WDHD1: variants seen among roughly 807,000 people sequenced by gnomAD.
WDHD1 encodes the protein WD repeat and HMG-box DNA-binding protein 1.
In WDHD1, 111 loss-of-function variants were observed where a neutral mutation model predicts 135.4. That is an observed-to-expected ratio of 0.82 (90% CI 0.70 to 0.96). WDHD1 has a LOEUF of 0.96. Among genes scored for constraint, WDHD1 ranks in the 40% least tolerant of loss-of-function variants. WDHD1 has a pLI of 0.00. For synonymous variants in WDHD1, 434 were observed against 439.0 expected (o/e 0.99, Z 0.14); for missense variants, 1,351 against 1,336.3 (o/e 1.01, Z -0.17).
intron 25 of WDHD1, 118 bp from the exon 26 acceptor site, chr14:54,941,808 T>A (rs78420354): frequency 2.4e-6 from 2 of 842,736 alleles, no homozygotes; most frequent in African/African-American, 3.4e-5. Context: ...TAATTAGCAC[T>A]TGAATTAAGT....
At chr14:54,944,992 G>C (rs1446582868) in intron 24 of WDHD1, among the ~76,000 whole-genome samples, 1 of 152,166 alleles carries the variant, frequency 6.6e-6, no homozygotes, top group Admixed American at 6.5e-5. Context: ...GATCACTCAC[G>C]TTTGTATTTT....
chr14:55,023,371 A>G (rs80066034), intron 2 of WDHD1, among the ~76,000 whole-genome samples: 1,906 of 152,362 alleles, frequency 0.013, 34 homozygotes, highest in Middle Eastern at 0.054. Flanking sequence ...CTGCTGGCAT[A>G]GCTGCAGTAA....
chr14:54,987,990 A>C (rs1050851005), intron 13 of WDHD1, among the ~76,000 whole-genome samples: 2 of 152,220 alleles, frequency 1.3e-5, no homozygotes, highest in Admixed American at 1.3e-4. Context: ...TCAGTACTAT[A>C]ATCAGCTGAA....
chr14:55,001,588 C>A (rs547900890), intron 8 of WDHD1, among the ~76,000 whole-genome samples: 164 of 152,198 alleles, frequency 1.1e-3, no homozygotes, highest in African/African-American at 3.8e-3. Context: ...AAAGCAAAAC[C>A]TAAAAAATGT....
intron 2 of WDHD1, among the ~76,000 whole-genome samples, chr14:55,018,813 T>C (rs2042299337): frequency 6.6e-6 from 1 of 152,078 alleles, no homozygotes; most frequent in Admixed American, 6.6e-5. Flanking sequence ...CCCAGCACTT[T>C]GGGAGGCGAG....
intron 16 of WDHD1, among the ~76,000 whole-genome samples, chr14:54,979,647 C>T (rs1433239375): frequency 4.6e-5 from 7 of 152,176 alleles, no homozygotes; most frequent in African/African-American, 1.4e-4. Context: ...TATTGAATTG[C>T]TGCTTTGTTT....
intron 7 of WDHD1, among the ~76,000 whole-genome samples, chr14:55,002,438 A>T (rs1404522538): frequency 6.6e-6 from 1 of 152,070 alleles, no homozygotes; most frequent in East Asian, 1.9e-4. Flanking sequence ...GCCAGGCGCA[A>T]ATCTGTATTT....
At chr14:54,985,417 G>A (rs964148411) in intron 14 of WDHD1, among the ~76,000 whole-genome samples, 1 of 152,134 alleles carries the variant, frequency 6.6e-6, no homozygotes, top group Non-Finnish European at 1.5e-5. Flanking sequence ...TCCTAAGGTA[G>A]GAAGAATGGA....
chr14:54,987,421 T>C (rs1451939619), intron 13 of WDHD1, 34 bp from the exon 14 acceptor site: 1 of 1,576,482 alleles, frequency 6.3e-7, no homozygotes, highest in South Asian at 1.1e-5. Context: ...ACAATCAAAC[T>C]TTCATATGAT....
intron 11 of WDHD1, among the ~76,000 whole-genome samples, chr14:54,994,594 C>G (rs996857465): frequency 2.6e-5 from 4 of 151,960 alleles, no homozygotes; most frequent in African/African-American, 9.7e-5. Context: ...AACCCCATCT[C>G]TACTAAAAAT....
intron 16 of WDHD1, among the ~76,000 whole-genome samples, chr14:54,970,294 TAA>T (rs1305926889): frequency 6.6e-6 from 1 of 152,158 alleles, no homozygotes; most frequent in Non-Finnish European, 1.5e-5. Flanking sequence ...GGCTCCTAGA[TAA>T]AAGACTTTGG....
intron 9 of WDHD1, 117 bp from the exon 10 acceptor site, chr14:55,000,761 A>T: frequency 1.9e-6 from 2 of 1,046,264 alleles, no homozygotes; most frequent in Non-Finnish European, 2.5e-6. Flanking sequence ...ATTTATAAAT[A>T]ATATAAATTT....
At position 54,972,553 on chromosome 14, in the gene WDHD1, C is replaced by CAAAAAAAAAAAAAAAAAAAA. The variant is rs71410642; in HGVS notation, c.2064-5179_2064-5160dup. On this transcript the variant is annotated intron_variant, in intron 16 of 25. Transcript: ENST00000360586. ...CCTGGGCAATAAAGCAAGACTGTCA[C>CAAAAAAAAAAAAAAAAAAAA]AAAAAAAAAAAAAAAAAAAAAAAAA... is the stretch of plus-strand genomic sequence containing the variant. 1.4e-3 allele frequency among the ~76,000 whole-genome samples: 35 copies of CAAAAAAAAAAAAAAAAAAAA among 25,496 alleles called. 4 individuals are homozygous for CAAAAAAAAAAAAAAAAAAAA. Among genetic ancestry groups the CAAAAAAAAAAAAAAAAAAAA allele is most frequent in the South Asian group, 2.1e-3 (1 of 484 alleles). The allele number at this position is 25,496 out of a possible 152,430, so 16.7% of individuals were successfully genotyped here.
At chr14:55,015,640 C>T (rs2042248694) in intron 2 of WDHD1, among the ~76,000 whole-genome samples, 1 of 151,970 alleles carries the variant, frequency 6.6e-6, no homozygotes, top group African/African-American at 2.4e-5. Context: ...CTAGGGATAG[C>T]TACTTCTTTC....
chr14:55,008,324 A>C lies in WDHD1; in HGVS notation c.496T>G (p.Ser166Ala), dbSNP rs2042106718. ...TAAATTGCTGAGTTTACCTGATCTGAAATTTGCCACACTCTGACAGATCCA... is the reference window on the plus strand; with the variant it reads ...TAAATTGCTGAGTTTACCTGATCTGCAATTTGCCACACTCTGACAGATCCA... ...CDGSVRVWQI[S>A]DQTCAISWPL... The change falls in exon 6 of 26, where the codon TCA becomes GCA. Residue 166 changes from serine (S) to alanine (A), a missense_variant. By Grantham distance (99) the Ser-to-Ala change is moderately conservative (BLOSUM62 1). This residue lies in a region of WDHD1 where 1,330 missense variants were observed against 1,296.1 expected (regional missense o/e 1.03). Coordinates refer to ENST00000360586, the MANE Select transcript of WDHD1 (RefSeq NM_007086.4). 6.2e-7 allele frequency: 1 copy of C among 1,613,410 alleles called. No homozygotes were observed. Among genetic ancestry groups the C allele is most frequent in the African/African-American group, 1.3e-5 (1 of 75,050 alleles).
intron 21 of WDHD1, among the ~76,000 whole-genome samples, chr14:54,961,529 A>C (rs1372849305): frequency 6.6e-6 from 1 of 151,854 alleles, no homozygotes; most frequent in African/African-American, 2.4e-5. Flanking sequence ...TCCTGTTCCC[A>C]TGCACCTTTG....
At chr14:54,955,983 C>T (rs995832038) in intron 23 of WDHD1, among the ~76,000 whole-genome samples, 21 of 150,620 alleles carry the variant, frequency 1.4e-4, no homozygotes, top group Admixed American at 1.1e-3. Context: ...CTGCAACCTC[C>T]ACCCTCCGAG....
chr14:54,964,210 T>TA (rs2041303927), intron 18 of WDHD1, among the ~76,000 whole-genome samples: 1 of 152,206 alleles, frequency 6.6e-6, no homozygotes, highest in South Asian at 2.1e-4. Context: ...TTTTCTTACT[T>TA]AGATATTCCA....
At chr14:54,952,298 A>C (rs1471957194) in intron 24 of WDHD1, among the ~76,000 whole-genome samples, 2 of 152,256 alleles carry the variant, frequency 1.3e-5, no homozygotes, top group African/African-American at 2.4e-5. Context: ...GCAAAGTCTC[A>C]GGATACAAAA....
Sources: allele counts gnomAD v4.1 joint callset (sites outside exome capture counted in the v4.1 genomes callset), GRCh38; gene constraint gnomAD v4.1.1; regional missense constraint gnomAD v4.1.1; transcripts MANE v1.5; gene names NCBI Gene and HGNC (gene_info 2026-07-23, HGNC 2026-07-21).